The following SGMS1 variants were observed in gnomAD, a reference collection of about 807,000 sequenced individuals.
SGMS1 encodes the protein sphingomyelin synthase 1.
SGMS1 carries 13 observed loss-of-function variants against 46.2 expected under a neutral mutation model. The ratio of observed to expected loss-of-function variants is 0.28; its 90% CI spans 0.18 to 0.45. SGMS1 has a LOEUF of 0.45. SGMS1 is among the 20% of genes least tolerant of loss of function. The pLI is 1.00. For synonymous variants in SGMS1, 203 were observed against 187.8 expected, an observed-to-expected ratio of 1.08 and a Z score of -0.66; for missense variants, 324 against 519.9, an observed-to-expected ratio of 0.62 and a Z score of 3.66.
At chr10:50,568,270 A>G (rs1344721688) in intron 2 of SGMS1, among the ~76,000 whole-genome samples, 5 of 152,224 alleles carry the variant, frequency 3.3e-5, no homozygotes, top group Non-Finnish European at 7.3e-5. Flanking sequence ...CTTACATAGC[A>G]TCAAACAGAG....
At position 50,495,981 on chromosome 10, in the gene SGMS1, T is replaced by C. The variant is rs569631089; in HGVS notation, c.-498+23850A>G. On this transcript the variant is annotated intron_variant, in intron 3 of 10. Transcript: ENST00000361781. ...AAAGTCATGTGCACGTATTTCCTTT[T>C]TTTAATTAAAAAATGAACAATTTTT... Among the ~76,000 whole-genome samples, 5 of 152,344 alleles carry C rather than the reference T, an allele frequency of 3.3e-5. No individual in the cohort carries two copies. In the South Asian group the frequency reaches 1.0e-3, roughly 32 times the overall value.
rs192714729 is a variant in SGMS1, at chr10:50,479,939, C to T, written c.-497-13007G>A. Among the ~76,000 whole-genome samples the T allele has an allele frequency of 9.4e-4, 143 of 152,096 alleles. 1 individual carries two copies. Among genetic ancestry groups the T allele is most frequent in the African/African-American group, 3.4e-3 (140 of 41,484 alleles). On this transcript the variant is annotated intron_variant, in intron 3 of 10. Transcript: ENST00000361781. ...CTAAAATCATATAATAATTTATGGGCCCATGAGGAGTATGCCATTTAAAGG... is the reference window on the plus strand; with the variant it reads ...CTAAAATCATATAATAATTTATGGGTCCATGAGGAGTATGCCATTTAAAGG...
At chr10:50,574,911 T>C (rs1706972614) in intron 2 of SGMS1, among the ~76,000 whole-genome samples, 2 of 138,056 alleles carry the variant, frequency 1.4e-5, no homozygotes, top group African/African-American at 5.0e-5. Context: ...TAAGTACATG[T>C]AATTATTATA....
chr10:50,498,453 A>T (rs999627085), intron 3 of SGMS1, among the ~76,000 whole-genome samples: 3 of 152,174 alleles, frequency 2.0e-5, no homozygotes, highest in African/African-American at 7.2e-5. Flanking sequence ...CCAAAGAGAA[A>T]TTCTGTACCT....
intron 2 of SGMS1, among the ~76,000 whole-genome samples, chr10:50,583,790 A>G (rs778118403): frequency 6.6e-6 from 1 of 152,296 alleles, no homozygotes; most frequent in East Asian, 1.9e-4. Context: ...TATCAACTAA[A>G]TTTACCTATA....
rs1554793450 is a variant in SGMS1, at chr10:50,574,963, G to GTATGTATATATATATATATATATATA, written c.-589+15189_-589+15190insTATATATATATATATATATATACATA. ...AAACATTTTAAAAGGAAAATGTGGT[G>GTATGTATATATATATATATATATATA]TATATATATATATATATATATAAAA... On this transcript the variant is annotated intron_variant, in intron 2 of 10. Transcript: ENST00000361781. 2.3e-4 allele frequency among the ~76,000 whole-genome samples: 23 copies of GTATGTATATATATATATATATATATA among 99,866 alleles called. 1 individual carries two copies. Among genetic ancestry groups the GTATGTATATATATATATATATATATA allele is most frequent in the Admixed American group, 5.9e-4 (5 of 8,492 alleles). 65.5% of individuals were successfully genotyped at this position (99,866 alleles called of 152,430 possible). A position where few individuals can be genotyped will look rare whatever the true frequency, so the allele number is the denominator to read the frequency against.
intron 1 of SGMS1, among the ~76,000 whole-genome samples, chr10:50,616,972 T>C (rs993502148): frequency 6.6e-6 from 1 of 152,186 alleles, no homozygotes; most frequent in East Asian, 1.9e-4. Flanking sequence ...CCAAAATGCA[T>C]ATGGAAGTAT....
intron 2 of SGMS1, among the ~76,000 whole-genome samples, chr10:50,550,656 C>A (rs910845393): frequency 1.3e-5 from 2 of 152,158 alleles, no homozygotes; most frequent in Non-Finnish European, 2.9e-5. Context: ...ACTAATACAC[C>A]TGCTTCTCTG....
intron 3 of SGMS1, among the ~76,000 whole-genome samples, chr10:50,498,609 A>G (rs1837635821): frequency 6.6e-6 from 1 of 152,220 alleles, no homozygotes; most frequent in African/African-American, 2.4e-5. Flanking sequence ...AATGTCCTCA[A>G]GGTTCATCCA....
At chr10:50,425,173 T>G (rs899877144) in intron 6 of SGMS1, among the ~76,000 whole-genome samples, 1 of 152,202 alleles carries the variant, frequency 6.6e-6, no homozygotes, top group Non-Finnish European at 1.5e-5. Flanking sequence ...TCAGCCTCTG[T>G]GGAAAGCAGT....
At chr10:50,531,088 A>G (rs1837949022) in intron 2 of SGMS1, among the ~76,000 whole-genome samples, 1 of 152,184 alleles carries the variant, frequency 6.6e-6, no homozygotes, top group African/African-American at 2.4e-5. Context: ...AAACAGAAAT[A>G]AAAGATTTTC....
In SGMS1 at chr10:50,310,484, G is replaced by C. The variant is rs114230116; in HGVS notation, c.895+778C>G. Among the ~76,000 whole-genome samples, 378 of 152,196 alleles carry C rather than the reference G, an allele frequency of 2.5e-3. 2 individuals are homozygous for C. The highest frequency in any genetic ancestry group is 8.7e-3 in the African/African-American group (362 of 41,516). On this transcript the variant is annotated intron_variant, in intron 9 of 10. Transcript: ENST00000361781. Reference sequence around the variant, plus strand: ...CAAAAACATAATTTGAGGGTAAATAGTGGCAGAAGAATATAAATGGCAGTA... The same window carrying C: ...CAAAAACATAATTTGAGGGTAAATACTGGCAGAAGAATATAAATGGCAGTA...
At chr10:50,488,409 T>C in intron 3 of SGMS1, among the ~76,000 whole-genome samples, 1 of 152,184 alleles carries the variant, frequency 6.6e-6, no homozygotes, top group Non-Finnish European at 1.5e-5. Context: ...TACAGTAATA[T>C]GCCATAGCTA....
At chr10:50,447,686 A>G (rs1433160798) in intron 5 of SGMS1, among the ~76,000 whole-genome samples, 1 of 152,208 alleles carries the variant, frequency 6.6e-6, no homozygotes, top group African/African-American at 2.4e-5. Context: ...TTTGAAATAC[A>G]TATACATTGT....
intron 1 of SGMS1, among the ~76,000 whole-genome samples, chr10:50,618,572 C>T (rs1276926343): frequency 6.6e-6 from 1 of 151,966 alleles, no homozygotes; most frequent in African/African-American, 2.4e-5. Context: ...AAAAGAAAAC[C>T]CAATGAGATC....
intron 2 of SGMS1, among the ~76,000 whole-genome samples, chr10:50,526,676 T>C (rs1230812048): frequency 6.6e-6 from 1 of 152,228 alleles, no homozygotes; most frequent in Non-Finnish European, 1.5e-5. Context: ...ATTTTAACTT[T>C]ACTTGGGTCA....
At chr10:50,410,341 T>C (rs1435344558) in intron 6 of SGMS1, among the ~76,000 whole-genome samples, 2 of 152,166 alleles carry the variant, frequency 1.3e-5, no homozygotes, top group Non-Finnish European at 2.9e-5. Context: ...TGCAGTGTTA[T>C]CTGGGGAGAC....
intron 3 of SGMS1, among the ~76,000 whole-genome samples, chr10:50,483,110 C>T (rs369437308): frequency 5.9e-5 from 9 of 152,176 alleles, no homozygotes; most frequent in Admixed American, 3.3e-4. Flanking sequence ...GACACAGTCT[C>T]GCTCTATCGC....
At chr10:50,575,191 T>C (rs1179058878) in intron 2 of SGMS1, among the ~76,000 whole-genome samples, 1 of 151,988 alleles carries the variant, frequency 6.6e-6, no homozygotes, top group Non-Finnish European at 1.5e-5. Context: ...GTTCCATACA[T>C]AGTACAACAT....
Sources: gnomAD v4.1 joint callset for allele counts (sites outside exome capture counted in the v4.1 genomes callset) on GRCh38, gnomAD v4.1.1 for gene constraint, MANE v1.5 for transcripts, NCBI Gene and HGNC (gene_info 2026-07-23, HGNC 2026-07-21) for gene names.